CPA4: variants seen among roughly 807,000 people sequenced by gnomAD.
The protein encoded by CPA4 is carboxypeptidase A4.
In CPA4, 49 loss-of-function variants were observed where a neutral mutation model predicts 54.7. The ratio of observed to expected loss-of-function variants is 0.90; its 90% CI spans 0.71 to 1.14. The LOEUF (loss-of-function observed/expected upper bound fraction) is 1.14, where lower values mean the gene tolerates loss of function less well. Among genes scored for constraint, CPA4 ranks in the 50% most tolerant of loss-of-function variants. CPA4 has a pLI of 0.00. For missense variants in CPA4, 487 were observed against 525.1 expected, an observed-to-expected ratio of 0.93 and a Z score of 0.71; for synonymous variants, 215 against 206.8, an observed-to-expected ratio of 1.04 and a Z score of -0.34.
intron 5 of CPA4, among the ~76,000 whole-genome samples, chr7:130,305,121 G>T (rs1395245495): frequency 6.6e-6 from 1 of 152,224 alleles, no homozygotes; most frequent in African/African-American, 2.4e-5. Context: ...GAATGAATAA[G>T]AAGGAATTTG....
chr7:130,312,245 G>C (rs138167434), intron 10 of CPA4, 123 bp downstream of exon 10: 122 of 707,746 alleles, frequency 1.7e-4, no homozygotes, highest in Non-Finnish European at 2.6e-4. Flanking sequence ...GTTGGTAATA[G>C]ACTGAACTAC....
intron 6 of CPA4, chr7:130,306,244 C>G (rs1793819125): frequency 3.0e-6 from 1 of 334,780 alleles, no homozygotes; most frequent in Non-Finnish European, 5.6e-6. Context: ...CACGCCATCT[C>G]CATCTCCTAG....
chr7:130,320,894 C>T (rs1280919579), intron 10 of CPA4, among the ~76,000 whole-genome samples: 2 of 152,198 alleles, frequency 1.3e-5, no homozygotes, highest in Admixed American at 6.5e-5. Flanking sequence ...CTACTGACAT[C>T]ATTTTATTAT....
intron 10 of CPA4, 145 bp downstream of exon 10, chr7:130,312,267 G>A: frequency 3.1e-6 from 2 of 636,178 alleles, no homozygotes; most frequent in Admixed American, 2.4e-5. Context: ...TCATGCCTGT[G>A]TGGTGACAGC....
rs952400072 is a variant in CPA4 at position 130,314,822 on chromosome 7, C to A, written c.1078+2700C>A. Among the ~76,000 whole-genome samples the A allele has an allele frequency of 5.3e-4, 81 of 151,938 alleles. 5 individuals carry two copies. The highest frequency in any genetic ancestry group is 2.9e-5 in the Non-Finnish European group (2 of 67,986). On this transcript the variant is annotated intron_variant, in intron 10 of 10. Coordinates refer to ENST00000222482, the MANE Select transcript of CPA4 (RefSeq NM_016352.4). ...AGAGTACCACTGAAGGGCTGTAATGCGGTTGGTTAGGAAGCGACGAAAGTT... is the reference window on the plus strand; with the variant it reads ...AGAGTACCACTGAAGGGCTGTAATGAGGTTGGTTAGGAAGCGACGAAAGTT...
intron 6 of CPA4, 114 bp downstream of exon 6, chr7:130,306,034 C>T (rs937127818): frequency 2.6e-5 from 21 of 807,978 alleles, no homozygotes; most frequent in Admixed American, 1.3e-4. Context: ...AAGACCCAGT[C>T]GGCTGGGGGG....
At chr7:130,304,868 A>C (rs1793794837) in intron 5 of CPA4, among the ~76,000 whole-genome samples, 1 of 152,152 alleles carries the variant, frequency 6.6e-6, no homozygotes, top group Non-Finnish European at 1.5e-5. Context: ...TTTTACTTTC[A>C]TTCTCACCTC....
At position 130,294,140 on chromosome 7, in the gene CPA4, G is replaced by GA. The variant is rs1357974948; in HGVS notation, c.68+899dup. On this transcript the variant is annotated intron_variant, in intron 1 of 10. Coordinates refer to ENST00000222482, the MANE Select transcript of CPA4 (RefSeq NM_016352.4). The stretch of plus-strand genomic sequence containing the variant: ...GTGTTATTTTCTTCCACTTAAACAT[G>GA]AAAAAAATCAGCCTTAGAATGTTAA... Among the ~76,000 whole-genome samples the GA allele has an allele frequency of 3.3e-5, 5 of 152,138 alleles. No individual in the cohort carries two copies. In the East Asian group the frequency reaches 7.7e-4, roughly 23 times the overall value.
Position 130,308,290 on chromosome 7 carries a change from C to T in CPA4, c.703-17C>T. On this transcript the variant is annotated splice_polypyrimidine_tract_variant and intron_variant, in intron 7 of 10. Coordinates refer to ENST00000222482, the MANE Select transcript of CPA4 (RefSeq NM_016352.4). ...TCTGCCTCTGGTTGTTTGTCCCCTC[C>T]TTGGTGGCTTTTTCAGAACCGATTA... 1 of 1,611,722 alleles carries T rather than the reference C, an allele frequency of 6.2e-7. No homozygotes were observed. Among genetic ancestry groups the T allele is most frequent in the Admixed American group, 1.7e-5 (1 of 60,026 alleles).
At chr7:130,301,727 A>G (rs1194148378) in intron 4 of CPA4, among the ~76,000 whole-genome samples, 1 of 152,194 alleles carries the variant, frequency 6.6e-6, no homozygotes, top group Non-Finnish European at 1.5e-5. Flanking sequence ...GGAGGATTTC[A>G]AAGGTTGACT....
intron 10 of CPA4, among the ~76,000 whole-genome samples, chr7:130,320,268 G>A (rs1794069543): frequency 6.6e-6 from 1 of 152,102 alleles, no homozygotes; most frequent in South Asian, 2.1e-4. Context: ...TTTTGTTGTT[G>A]TTATTGTTTT....
At chr7:130,301,764 G>A (rs11981987) in intron 4 of CPA4, among the ~76,000 whole-genome samples, 43,175 of 152,022 alleles carry the variant, frequency 0.28, 6,488 homozygotes, top group South Asian at 0.35. Context: ...CATGCTTGTC[G>A]GTAGCTTTGT....
chr7:130,298,363 T>C (rs964938023), intron 1 of CPA4, among the ~76,000 whole-genome samples: 1 of 152,202 alleles, frequency 6.6e-6, no homozygotes, highest in Non-Finnish European at 1.5e-5. Flanking sequence ...TATGATCACA[T>C]TACAGAAAAC....
intron 10 of CPA4, among the ~76,000 whole-genome samples, chr7:130,319,872 A>G (rs912884951): frequency 6.6e-6 from 1 of 152,170 alleles, no homozygotes; most frequent in Admixed American, 6.5e-5. Context: ...GGTGTTTAAG[A>G]CAATTGCATT....
At position 130,304,505 on chromosome 7, in the gene CPA4, G is replaced by T; in HGVS notation, c.412G>T (p.Ala138Ser). 3 of 1,611,424 alleles carry T rather than the reference G, an allele frequency of 1.9e-6. No homozygotes were observed. The highest frequency in any genetic ancestry group is 2.5e-6 in the Non-Finnish European group (3 of 1,177,564). The change falls in exon 5 of 11, where the codon GCA becomes TCA. Residue 138 changes from alanine to serine, a missense_variant. Physicochemically the swap from Ala to Ser is moderately conservative, Grantham distance 99. Coordinates refer to ENST00000222482, the MANE Select transcript of CPA4 (RefSeq NM_016352.4). Reference protein sequence around the residue: ...AIYHEMDNIAADFPDLARRVK... With the variant: ...AIYHEMDNIASDFPDLARRVK... ...TTACCACGAGATGGACAACATTGCC[G>T]CAGACTTTCCTGACCTGGCGAGGAG...
chr7:130,310,926 G>T lies in CPA4; in HGVS notation c.933G>T (p.Ser311=). The T allele has an allele frequency of 6.2e-7, 1 of 1,614,114 alleles. No individual in the cohort carries two copies. Among genetic ancestry groups the T allele is most frequent in the Non-Finnish European group, 8.5e-7 (1 of 1,180,016 alleles). Residue 311 remains serine (S), a synonymous_variant, in exon 9 of 11, where the codon TCG becomes TCT. Coordinates refer to ENST00000222482, the MANE Select transcript of CPA4 (RefSeq NM_016352.4). The surrounding 1 kb of genome is among the most constrained non-coding windows in gnomAD (Gnocchi z 4.3). ...FKGFIDLHSY[S]QLLMYPYGYS... is the part of the protein sequence containing the mutation. ...GCTTCATCGACCTGCACAGCTACTC[G>T]CAGCTGCTGATGTATCCATATGGGT...
chr7:130,298,634 T>C, intron 1 of CPA4, 112 bp from the exon 2 acceptor site: 1 of 675,164 alleles, frequency 1.5e-6, no homozygotes, highest in Non-Finnish European at 2.7e-6. Flanking sequence ...GACTAGACCA[T>C]TTCCTTTCTT....
At chr7:130,311,974 G>A in intron 9 of CPA4, 64 bp from the exon 10 acceptor site, 1 of 1,156,558 alleles carries the variant, frequency 8.6e-7, no homozygotes, top group Non-Finnish European at 1.3e-6. Context: ...CCAGAGCAGA[G>A]CAGCTGAGGA....
intron 6 of CPA4, chr7:130,306,291 G>A (rs373120202): frequency 2.5e-4 from 70 of 284,488 alleles, no homozygotes; most frequent in East Asian, 1.7e-3. Flanking sequence ...GCTGAGGCAG[G>A]AGAATCCCTT....
Sources: gnomAD v4.1 joint callset for allele counts (sites outside exome capture counted in the v4.1 genomes callset) on GRCh38, gnomAD v4.1.1 for gene constraint, Gnocchi (gnomAD v3.1) non-coding constraint, MANE v1.5 for transcripts, NCBI Gene and HGNC (gene_info 2026-07-23, HGNC 2026-07-21) for gene names.